The following GNG12 variants were observed in gnomAD, a reference collection of about 807,000 sequenced individuals.
The protein encoded by GNG12 is G protein subunit gamma 12.
For synonymous variants in GNG12, 28 were observed against 29.7 expected (o/e 0.94, Z 0.19); for missense variants, 69 against 83.8 (o/e 0.82, Z 0.69).
At chr1:67,722,771 A>G (rs1341599753) in intron 2 of GNG12, among the ~76,000 whole-genome samples, 1 of 152,234 alleles carries the variant, frequency 6.6e-6, no homozygotes, top group African/African-American at 2.4e-5. Flanking sequence ...CCTCCTATGC[A>G]GGGTGGAACA....
chr1:67,826,236 A>G (rs997818095), intron 1 of GNG12, among the ~76,000 whole-genome samples: 1 of 152,244 alleles, frequency 6.6e-6, no homozygotes, highest in Admixed American at 6.5e-5. Context: ...TGTGTGTTAA[A>G]AAAAGGCATT....
intron 1 of GNG12, among the ~76,000 whole-genome samples, chr1:67,832,981 A>T (rs888960559): frequency 6.6e-6 from 1 of 152,062 alleles, no homozygotes; most frequent in African/African-American, 2.4e-5. Flanking sequence ...AGCGAGCTCA[A>T]GGGGAGACCT....
At chr1:67,822,709 T>A (rs1198605885) in intron 1 of GNG12, among the ~76,000 whole-genome samples, 1 of 150,472 alleles carries the variant, frequency 6.6e-6, no homozygotes, top group African/African-American at 2.4e-5. Context: ...TGTTGTGAGT[T>A]TAAAAATTAT....
intron 1 of GNG12, among the ~76,000 whole-genome samples, chr1:67,789,351 C>T (rs1228859926): frequency 2.6e-5 from 4 of 151,892 alleles, no homozygotes; most frequent in Non-Finnish European, 5.9e-5. Context: ...GGTTAGCTTT[C>T]GATGAAAAGA....
intron 1 of GNG12, among the ~76,000 whole-genome samples, chr1:67,818,037 T>G (rs1297423675): frequency 6.6e-6 from 1 of 152,134 alleles, no homozygotes; most frequent in African/African-American, 2.4e-5. Flanking sequence ...TCCTCTTACC[T>G]CAGCCTCCCA....
chr1:67,832,100 T>C (rs1647049667), intron 1 of GNG12, among the ~76,000 whole-genome samples: 1 of 152,114 alleles, frequency 6.6e-6, no homozygotes, highest in African/African-American at 2.4e-5. Flanking sequence ...CCCCAGGAAA[T>C]ATAAACTGTG....
intron 2 of GNG12, among the ~76,000 whole-genome samples, chr1:67,717,633 T>G (rs1646333671): frequency 6.6e-6 from 1 of 152,226 alleles, no homozygotes; most frequent in Non-Finnish European, 1.5e-5. Flanking sequence ...TTCTTCAGAC[T>G]GAAATTTTTC....
chr1:67,706,724 T>C (rs1646250707), intron 3 of GNG12, among the ~76,000 whole-genome samples: 1 of 151,660 alleles, frequency 6.6e-6, no homozygotes, highest in African/African-American at 2.4e-5. Context: ...GGCGCGATCT[T>C]GGTTCACTGC....
rs1646416930 is a variant in GNG12 at position 67,731,168 on chromosome 1, T to C, written c.-26-23456A>G. 2.0e-5 allele frequency among the ~76,000 whole-genome samples: 3 copies of C among 152,094 alleles called. No individual in the cohort carries two copies. In the South Asian group the frequency reaches 6.2e-4, roughly 32 times the overall value. Reference sequence around the variant, plus strand: ...CTTCCCCCTCTTGAGATTCTACCCATGCTTCTAGGGCCTGTCAGGTCACCT... The same window carrying C: ...CTTCCCCCTCTTGAGATTCTACCCACGCTTCTAGGGCCTGTCAGGTCACCT... On this transcript the variant is annotated intron_variant, in intron 2 of 3. Transcript: ENST00000370982.
intron 2 of GNG12, among the ~76,000 whole-genome samples, chr1:67,732,755 G>A (rs980857505): frequency 1.3e-5 from 2 of 152,194 alleles, no homozygotes; most frequent in Admixed American, 1.3e-4. Context: ...CCAGGACTAG[G>A]GAAAGGAGCC....
intron 1 of GNG12, among the ~76,000 whole-genome samples, chr1:67,779,824 G>A (rs576845535): frequency 6.6e-6 from 1 of 152,302 alleles, no homozygotes; most frequent in South Asian, 2.1e-4. Flanking sequence ...CACAAACCTA[G>A]AGGGTACAGC....
chr1:67,749,442 T>TTGC (rs1336566095), intron 2 of GNG12, among the ~76,000 whole-genome samples: 1 of 152,216 alleles, frequency 6.6e-6, no homozygotes. Context: ...CAATAAATGT[T>TTGC]TGCTGCTACT....
At chr1:67,753,077 C>T (rs191415798) in intron 2 of GNG12, among the ~76,000 whole-genome samples, 15 of 152,336 alleles carry the variant, frequency 9.8e-5, no homozygotes, top group African/African-American at 3.4e-4. Context: ...CTTAGCTCCA[C>T]AACAGCAGGA....
intron 1 of GNG12, among the ~76,000 whole-genome samples, chr1:67,814,090 C>T (rs745623232): frequency 1.9e-4 from 29 of 151,996 alleles, no homozygotes; most frequent in Non-Finnish European, 3.7e-4. Flanking sequence ...ACTACATGAG[C>T]CCCCTTTTTA....
chr1:67,785,792 C>G (rs563264533), intron 1 of GNG12, among the ~76,000 whole-genome samples: 1 of 152,284 alleles, frequency 6.6e-6, no homozygotes, highest in African/African-American at 2.4e-5. Flanking sequence ...ATTAGCCAAA[C>G]GATACTAAAC....
intron 1 of GNG12, among the ~76,000 whole-genome samples, chr1:67,814,928 A>T (rs1352585676): frequency 6.6e-6 from 1 of 152,230 alleles, no homozygotes; most frequent in East Asian, 1.9e-4. Context: ...AACAACAGAC[A>T]CACAACAAAG....
chr1:67,718,308 T>A (rs1351696787), intron 2 of GNG12, among the ~76,000 whole-genome samples: 2 of 151,962 alleles, frequency 1.3e-5, no homozygotes, highest in African/African-American at 4.8e-5. Flanking sequence ...ACCATCTTTG[T>A]CCTATAAAAA....
intron 2 of GNG12, among the ~76,000 whole-genome samples, chr1:67,774,969 G>A (rs896518114): frequency 6.6e-6 from 1 of 152,094 alleles, no homozygotes; most frequent in Non-Finnish European, 1.5e-5. Flanking sequence ...AGCACAGTAC[G>A]TGGCACACAG....
At chr1:67,788,966 T>C (rs1646785391) in intron 1 of GNG12, among the ~76,000 whole-genome samples, 1 of 152,170 alleles carries the variant, frequency 6.6e-6, no homozygotes, top group Non-Finnish European at 1.5e-5. Context: ...ATGAGGACAG[T>C]GAATGAGATA....
Sources: gnomAD v4.1 joint callset for allele counts (sites outside exome capture counted in the v4.1 genomes callset) on GRCh38, gnomAD v4.1.1 for gene constraint, MANE v1.5 for transcripts, NCBI Gene and HGNC (gene_info 2026-07-23, HGNC 2026-07-21) for gene names.